The following PDE11A variants were observed in gnomAD, a reference collection of about 807,000 sequenced individuals.
PDE11A encodes the protein phosphodiesterase 11A, also known as dual 3',5'-cyclic-AMP and -GMP phosphodiesterase 11A.
Under a neutral mutation model 100.5 loss-of-function variants are expected in PDE11A, and 100 were observed. The observed-to-expected ratio is 1.00, with a 90% CI of 0.85 to 1.18. The LOEUF is 1.18. PDE11A is among the 50% of genes most tolerant of loss of function. The probability of loss-of-function intolerance (pLI) is 0.00; values close to 1 mark genes in which losing one functional copy is unlikely to be tolerated. For missense variants in PDE11A, 1,141 were observed against 1,152.6 expected (o/e 0.99, Z 0.15); for synonymous variants, 381 against 420.8 (o/e 0.91, Z 1.16).
chr2:177,996,924 T>A (rs1471127788), intron 2 of PDE11A, among the ~76,000 whole-genome samples: 1 of 152,186 alleles, frequency 6.6e-6, no homozygotes, highest in African/African-American at 2.4e-5. Context: ...TATTTAAAAG[T>A]AAAAGATTCA....
At position 177,631,314 on chromosome 2, in the gene PDE11A, A is replaced by AC. The variant is rs1436264167; in HGVS notation, c.2647-1753_2647-1752insG. On this transcript the variant is annotated intron_variant, in intron 19 of 19. Transcript: ENST00000286063. ...TGCAAAAAAAAAAAAAAAAAAACAA[A>AC]AAAAAAAACAACCTAGGCGTGGTGG... is the stretch of plus-strand genomic sequence containing the variant. Among the ~76,000 whole-genome samples, 38 of 44,378 alleles carry AC rather than the reference A, an allele frequency of 8.6e-4. 1 individual carries two copies. The highest frequency in any genetic ancestry group is 1.9e-3 in the African/African-American group (38 of 19,924). 29.1% of individuals were successfully genotyped at this position (44,378 alleles called of 152,430 possible). A position where few individuals can be genotyped will look rare whatever the true frequency, so the allele number is the denominator to read the frequency against.
In PDE11A at chr2:177,898,226, A is replaced by G. The variant is rs754359290; in HGVS notation, c.1162-28T>C. The G allele has an allele frequency of 1.9e-6, 3 of 1,552,816 alleles. No homozygotes were observed. The South Asian group carries it at 3.4e-5, about 17-fold the overall frequency. ...AGAAAAGATGAAATAGATGTATATA[A>G]GTGGATGTAAAACTGAAAAAAAGTT... On this transcript the variant is annotated intron_variant, in intron 3 of 19. Coordinates refer to ENST00000286063, the MANE Select transcript of PDE11A (RefSeq NM_016953.4).
chr2:177,730,338 G>A (rs2081665553), intron 10 of PDE11A, among the ~76,000 whole-genome samples: 1 of 152,080 alleles, frequency 6.6e-6, no homozygotes, highest in Admixed American at 6.6e-5. Context: ...TTGGTTGTAA[G>A]CCCTTTTCTT....
chr2:177,805,400 TA>T (rs2082855140), intron 9 of PDE11A, among the ~76,000 whole-genome samples: 1 of 152,040 alleles, frequency 6.6e-6, no homozygotes, highest in South Asian at 2.1e-4. Context: ...CTCACTGCCT[TA>T]TTTCCAGTGC....
chr2:177,795,868 G>A (rs1031168654), intron 9 of PDE11A, among the ~76,000 whole-genome samples: 61 of 145,658 alleles, frequency 4.2e-4, no homozygotes, highest in African/African-American at 1.4e-3. Context: ...GGAGGGCCAC[G>A]TGAAGCAAAA....
chr2:177,843,705 A>G (rs1344444860), intron 5 of PDE11A, among the ~76,000 whole-genome samples: 3 of 152,212 alleles, frequency 2.0e-5, no homozygotes, highest in Non-Finnish European at 2.9e-5. Flanking sequence ...TCTAAAGTAT[A>G]AGCTATGATC....
intron 1 of PDE11A, among the ~76,000 whole-genome samples, chr2:178,053,347 A>G (rs2086853556): frequency 1.3e-5 from 2 of 152,254 alleles, no homozygotes; most frequent in Non-Finnish European, 2.9e-5. Flanking sequence ...TAAATAAGGT[A>G]TTGATGGGAT....
Position 177,711,802 on chromosome 2 carries a change from T to C in PDE11A, c.2120A>G (p.Asp707Gly), listed in dbSNP as rs1240191777. 3 of 1,608,474 alleles carry C rather than the reference T, an allele frequency of 1.9e-6. No homozygotes were observed. The highest frequency in any genetic ancestry group is 2.6e-6 in the Non-Finnish European group (3 of 1,175,014). ...GAAGGCATTGTTGGTTCCCCTGTGG[T>C]CGAGGTCATGACACAGGCATCCCAC... Reference protein sequence around the residue: ...VIVGCLCHDLDHRGTNNAFQA... With the variant: ...VIVGCLCHDLGHRGTNNAFQA... The change falls in exon 13 of 20, where the codon GAC (aspartate) becomes GGC (glycine). Residue 707 changes from aspartate (D) to glycine (G), a missense_variant. By Grantham distance (94) the Asp-to-Gly change is moderately conservative. Transcript: ENST00000286063.
chr2:177,744,957 C>T (rs2081927250), intron 10 of PDE11A, among the ~76,000 whole-genome samples: 1 of 152,192 alleles, frequency 6.6e-6, no homozygotes, highest in Non-Finnish European at 1.5e-5. Flanking sequence ...AGAGCCACAG[C>T]CAACCCATCG....
rs532116937 is a variant in PDE11A, at chr2:177,711,274, G to A, written c.2153+495C>T. On this transcript the variant is annotated intron_variant, in intron 13 of 19. Transcript: ENST00000286063. ...TTTCTATGGGAGTAGGGAATGGGAGGAGCAAAAACTATATTCCTTGAACGT... is the reference window on the plus strand; with the variant it reads ...TTTCTATGGGAGTAGGGAATGGGAGAAGCAAAAACTATATTCCTTGAACGT... 1.5e-4 allele frequency among the ~76,000 whole-genome samples: 23 copies of A among 152,312 alleles called. No homozygotes were observed. In the South Asian group the frequency reaches 3.9e-3, roughly 26 times the overall value.
At chr2:177,807,759 T>C (rs1185850614) in intron 9 of PDE11A, among the ~76,000 whole-genome samples, 7 of 152,190 alleles carry the variant, frequency 4.6e-5, no homozygotes, top group Admixed American at 3.9e-4. Context: ...AAGACAAATA[T>C]TGTATATGGG....
At chr2:178,078,230 A>C (rs974836059) in intron 2 of PDE11A, among the ~76,000 whole-genome samples, 1 of 151,900 alleles carries the variant, frequency 6.6e-6, no homozygotes, top group African/African-American at 2.4e-5. Flanking sequence ...TTCAAATGTC[A>C]CACATATTAT....
At chr2:177,669,660 C>G in intron 17 of PDE11A, 93 bp from the exon 18 acceptor site, 4 of 756,928 alleles carry the variant, frequency 5.3e-6, no homozygotes. Flanking sequence ...TGATCCTCAT[C>G]AACACAATCA....
intron 16 of PDE11A, among the ~76,000 whole-genome samples, chr2:177,678,300 C>G (rs1359480725): frequency 6.6e-6 from 1 of 152,156 alleles, no homozygotes; most frequent in African/African-American, 2.4e-5. Flanking sequence ...TAGGAACTTA[C>G]TATTGAAAGT....
At chr2:177,820,034 G>T (rs2083111983) in intron 7 of PDE11A, among the ~76,000 whole-genome samples, 186 bp downstream of exon 7, 1 of 151,390 alleles carries the variant, frequency 6.6e-6, no homozygotes. Flanking sequence ...ATACATATTT[G>T]TTCAAGTTGT....
At chr2:178,015,945 G>T (rs762806202) in intron 1 of PDE11A, among the ~76,000 whole-genome samples, 39 of 151,968 alleles carry the variant, frequency 2.6e-4, no homozygotes, top group Non-Finnish European at 5.0e-4. Context: ...CCTGTTAAAG[G>T]AGGCTTAAAA....
chr2:177,793,357 T>C (rs1340956285), intron 9 of PDE11A, among the ~76,000 whole-genome samples: 1 of 151,960 alleles, frequency 6.6e-6, no homozygotes, highest in Non-Finnish European at 1.5e-5. Flanking sequence ...TGGGGTAGTA[T>C]ATAGTTTTGC....
At chr2:177,943,507 C>T (rs2085369055) in intron 2 of PDE11A, among the ~76,000 whole-genome samples, 1 of 152,162 alleles carries the variant, frequency 6.6e-6, no homozygotes, top group Non-Finnish European at 1.5e-5. Flanking sequence ...TCCACATATG[C>T]TTCTTAGACA....
At chr2:177,899,637 A>AATATATATATATATATAT (rs3037901) in intron 3 of PDE11A, 30 of 203,190 alleles carry the variant, frequency 1.5e-4, no homozygotes, top group African/African-American at 5.9e-4. Context: ...CAGATTCTTA[A>AATATATATATATATATAT]ATATATATAT....
Sources: gnomAD v4.1 joint callset for allele counts (sites outside exome capture counted in the v4.1 genomes callset) on GRCh38, gnomAD v4.1.1 for gene constraint, MANE v1.5 for transcripts, NCBI Gene and HGNC (gene_info 2026-07-23, HGNC 2026-07-21) for gene names.